The following DRC7 variants were observed in gnomAD, a reference collection of about 807,000 sequenced individuals.
DRC7 encodes dynein regulatory complex subunit 7.
DRC7 carries 80 observed loss-of-function variants against 104.4 expected under a neutral mutation model. The observed-to-expected ratio is 0.77, with a 90% confidence interval of 0.64 to 0.92. The LOEUF (loss-of-function observed/expected upper bound fraction) is 0.92, where lower values mean the gene tolerates loss of function less well. Ranked by LOEUF, DRC7 falls within the 40% of genes least tolerant of loss-of-function variation. DRC7 has a pLI of 0.00. For synonymous variants in DRC7, 405 were observed against 447.3 expected, an observed-to-expected ratio of 0.91 and a Z score of 1.19; for missense variants, 1,034 against 1,141.1, an observed-to-expected ratio of 0.91 and a Z score of 1.35.
chr16:57,729,598 ATGGATGGG>A (rs2049025262), intron 17 of DRC7, among the ~76,000 whole-genome samples: 1 of 50,864 alleles, frequency 2.0e-5, no homozygotes, highest in African/African-American at 1.2e-4. Context: ...GGGTGGATGG[ATGGATGGG>A]TGAGTGAGTG....
intron 15 of DRC7, 53 bp from the exon 16 acceptor site, chr16:57,727,246 C>A: frequency 7.0e-7 from 1 of 1,429,554 alleles, no homozygotes; most frequent in Non-Finnish European, 9.9e-7. Context: ...GCTGGGGTTA[C>A]AGGAGTGGAG....
Position 57,707,500 on chromosome 16 carries a change from G to C in DRC7, c.899G>C (p.Arg300Pro). The C allele has an allele frequency of 6.2e-7, 1 of 1,613,328 alleles. No homozygotes were observed. The highest frequency in any genetic ancestry group is 1.7e-5 in the Admixed American group (1 of 60,018). ...AAGCCGGATGCCCTGCACGGCCTGC[G>C]GGTGCACTCCTGGGTCCTTGTGCTA... ...KAKPDALHGL[R>P]VHSWVLVLSG... is the part of the protein sequence containing the mutation. The change falls in exon 8 of 19, where the codon CGG becomes CCG. Residue 300 changes from arginine (R) to proline (P), a missense_variant. Physicochemically the swap from Arg to Pro is moderately radical, Grantham distance 103 (BLOSUM62 -2). Transcript: ENST00000360716.
chr16:57,699,000 C>G lies in DRC7; in HGVS notation c.354C>G (p.His118Gln), dbSNP rs770372710. ...CGGACCGCGTGCCCCTCTTCCTGCA[C>G]CCCCTGAACGAGTGTGAAGTGCCCG... ...LCPDRVPLFL[H>Q]PLNECEVPKF... The change falls in exon 4 of 19, where the codon CAC (histidine) becomes CAG (glutamine). Residue 118 changes from histidine to glutamine, a missense_variant. His to Gln is a conservative substitution (Grantham distance 24). Coordinates refer to ENST00000360716, the MANE Select transcript of DRC7 (RefSeq NM_001289162.2). 6.2e-7 allele frequency: 1 copy of G among 1,613,996 alleles called. No individual in the cohort carries two copies. Among genetic ancestry groups the G allele is most frequent in the Non-Finnish European group, 8.5e-7 (1 of 1,180,004 alleles).
chr16:57,725,952 A>C (rs1374822703), intron 13 of DRC7, 116 bp from the exon 14 acceptor site: 36 of 895,908 alleles, frequency 4.0e-5, no homozygotes, highest in Non-Finnish European at 6.2e-5. Flanking sequence ...TGAATCGCCA[A>C]ACGACCCCAG....
chr16:57,720,629 T>C (rs987334448), intron 9 of DRC7, among the ~76,000 whole-genome samples: 2 of 152,206 alleles, frequency 1.3e-5, no homozygotes, highest in Middle Eastern at 3.2e-3. Context: ...AACCCAGTCA[T>C]GGACCCCCAG....
intron 8 of DRC7, among the ~76,000 whole-genome samples, chr16:57,709,915 A>G (rs1319825738): frequency 6.6e-6 from 1 of 152,194 alleles, no homozygotes; most frequent in Non-Finnish European, 1.5e-5. Flanking sequence ...GACTGCAGGC[A>G]TGTGCCACTA....
chr16:57,714,933 T>C (rs9922246), intron 8 of DRC7: 49,557 of 314,398 alleles, frequency 0.16, 4,208 homozygotes, highest in East Asian at 0.26. Context: ...GGAAGACTTG[T>C]TGTGACCTGA....
chr16:57,709,436 A>T (rs2048769309), intron 8 of DRC7, among the ~76,000 whole-genome samples: 1 of 151,906 alleles, frequency 6.6e-6, no homozygotes, highest in Non-Finnish European at 1.5e-5. Context: ...ATAACATTTC[A>T]CTATTTGTGT....
intron 9 of DRC7, among the ~76,000 whole-genome samples, chr16:57,720,614 G>A (rs1470397193): frequency 2.6e-5 from 4 of 152,126 alleles, no homozygotes; most frequent in African/African-American, 9.7e-5. Flanking sequence ...AGCCCAAAGA[G>A]TCAGAACCCA....
At chr16:57,700,358 G>A in intron 5 of DRC7, 88 bp downstream of exon 5, 1 of 1,495,274 alleles carries the variant, frequency 6.7e-7, no homozygotes, top group African/African-American at 1.4e-5. Flanking sequence ...CCCAAAGAAT[G>A]GACTTAGAGG....
intron 3 of DRC7, among the ~76,000 whole-genome samples, chr16:57,698,504 T>C (rs541412183): frequency 6.6e-6 from 1 of 150,390 alleles, no homozygotes; most frequent in South Asian, 2.1e-4. Flanking sequence ...CCGGGCAACA[T>C]AGCAAGACCC....
Position 57,698,056 on chromosome 16 carries a change from A to G in DRC7, c.107A>G (p.Glu36Gly), listed in dbSNP as rs1390248117. The G allele has an allele frequency of 6.2e-7, 1 of 1,614,066 alleles. No individual in the cohort carries two copies. The highest frequency in any genetic ancestry group is 2.2e-5 in the East Asian group (1 of 44,870). ...ATGGAGAAAATGATGAGGCCAGTTG[A>G]GGTGCGGAAGGAGGAAATCACCTTA... Reference protein sequence around the residue: ...ARMEKMMRPVEVRKEEITLKQ... With the variant: ...ARMEKMMRPVGVRKEEITLKQ... Residue 36 changes from glutamate (E) to glycine (G), a missense_variant, in exon 3 of 19, where the codon GAG becomes GGG. By Grantham distance (98) the Glu-to-Gly change is moderately conservative. Coordinates refer to ENST00000360716, the MANE Select transcript of DRC7 (RefSeq NM_001289162.2).
intron 8 of DRC7, chr16:57,713,665 G>T (rs62039916): frequency 0.06 from 9,207 of 152,212 alleles, 576 homozygotes; most frequent in East Asian, 0.23. Flanking sequence ...GTGCTCTTTC[G>T]TTGTCTCGAA....
chr16:57,707,562 G>A lies in DRC7; in HGVS notation c.961G>A (p.Asp321Asn), dbSNP rs751832392. The A allele has an allele frequency of 1.7e-5, 28 of 1,613,518 alleles. No homozygotes were observed. Among genetic ancestry groups the A allele is most frequent in the Middle Eastern group, 1.6e-4 (1 of 6,062 alleles). ...KREVPENFFI[D>N]PFTGHSYSTQ... ...CGAGGTGCCTGAGAACTTCTTCATC[G>A]ACCCATTCACAGGACATAGCTACAG... The change falls in exon 8 of 19, where the codon GAC becomes AAC. Residue 321 changes from aspartate (D) to asparagine (N), a missense_variant. Coordinates refer to ENST00000360716, the MANE Select transcript of DRC7 (RefSeq NM_001289162.2).
Position 57,722,724 on chromosome 16 carries a change from C to A in DRC7, c.1291C>A (p.Arg431Ser), listed in dbSNP as rs546569413. ...IEISPEAFETRCPNGKKVIQY... is the reference protein window; with the variant it reads ...IEISPEAFETSCPNGKKVIQY... ...GACTGTGTCCACAGCATTTGAGACC[C>A]GCTGCCCGAACGGGAAGAAGGTGAT... Residue 431 changes from arginine (R) to serine (S), a missense_variant, in exon 11 of 19, where the codon CGC becomes AGC. Transcript: ENST00000360716. The A allele has an allele frequency of 6.2e-7, 1 of 1,613,652 alleles. No homozygotes were observed. The highest frequency in any genetic ancestry group is 2.2e-5 in the East Asian group (1 of 44,864).
chr16:57,707,677 A>C lies in DRC7; in HGVS notation c.1076A>C (p.Lys359Thr), dbSNP rs761643337. 6.2e-6 allele frequency: 10 copies of C among 1,612,898 alleles called. No homozygotes were observed. In the Admixed American group the frequency reaches 1.7e-4, roughly 27 times the overall value. The change falls in exon 8 of 19, where the codon AAG becomes ACG. Residue 359 changes from lysine (K) to threonine (T), a missense_variant and splice_region_variant. Transcript: ENST00000360716. ...INMQDCWNCC[K>T]DLIFDLGDPV... is the part of the protein sequence containing the mutation. ...ATGCAGGATTGCTGGAACTGCTGCA[A>C]GGTGCCTAGGGAGGGGGAGCTGGGT...
At chr16:57,719,314 G>A (rs2048878737) in intron 9 of DRC7, among the ~76,000 whole-genome samples, 1 of 152,140 alleles carries the variant, frequency 6.6e-6, no homozygotes, top group Admixed American at 6.5e-5. Context: ...CCACAGATGC[G>A]GTTGCTTAAA....
chr16:57,731,315 C>A lies in DRC7; in HGVS notation c.*57C>A. The A allele has an allele frequency of 7.1e-7, 1 of 1,399,546 alleles. No homozygotes were observed. The highest frequency in any genetic ancestry group is 1.0e-6 in the Non-Finnish European group (1 of 992,300). The allele number at this position is 1,399,546 out of a possible 1,614,324, so 86.7% of individuals were successfully genotyped here. A position where few individuals can be genotyped will look rare whatever the true frequency, so the allele number is the denominator to read the frequency against. ...AGAGAAAGGAAACCTCTTCCCGCAG[C>A]CTGGCTCCTGTGTTCCCTCTATCCA... On this transcript the variant is annotated 3_prime_UTR_variant, in exon 19 of 19. Transcript: ENST00000360716.
chr16:57,725,051 G>A (rs1268387076), intron 13 of DRC7, among the ~76,000 whole-genome samples: 1 of 152,156 alleles, frequency 6.6e-6, no homozygotes, highest in Non-Finnish European at 1.5e-5. Flanking sequence ...AAGAAAAGAA[G>A]TTTCCTTGAC....
Sources: allele counts gnomAD v4.1 joint callset (sites outside exome capture counted in the v4.1 genomes callset), GRCh38; gene constraint gnomAD v4.1.1; transcripts MANE v1.5; gene names NCBI Gene and HGNC (gene_info 2026-07-23, HGNC 2026-07-21).